PAX5: variants seen among roughly 807,000 people sequenced by gnomAD.
PAX5 encodes paired box protein Pax-5.
Under a neutral mutation model 43.7 loss-of-function variants are expected in PAX5, and 9 were observed. That is an observed-to-expected ratio of 0.21 (90% confidence interval 0.12 to 0.36). PAX5 has a LOEUF of 0.36. Ranked by LOEUF, PAX5 falls within the 10% of genes least tolerant of loss-of-function variation. The probability of loss-of-function intolerance (pLI) is 1.00; values close to 1 mark genes in which losing one functional copy is unlikely to be tolerated. For missense variants in PAX5, 383 were observed against 532.7 expected, an observed-to-expected ratio of 0.72 and a Z score of 2.77; for synonymous variants, 228 against 214.3, an observed-to-expected ratio of 1.06 and a Z score of -0.56.
chr9:37,015,683 G>C lies in PAX5; in HGVS notation c.213-489C>G, dbSNP rs1256778257. 6.6e-6 allele frequency among the ~76,000 whole-genome samples: 1 copy of C among 151,832 alleles called. No homozygotes were observed. The highest frequency in any genetic ancestry group is 1.5e-5 in the Non-Finnish European group (1 of 67,994). ...CAACCTCCGCCTCCTGGGTTCAAGT[G>C]ATTCTCCTGCCTCAGCCTCCCGAGT... On this transcript the variant is annotated intron_variant, in intron 2 of 9. Coordinates refer to ENST00000358127, the MANE Select transcript of PAX5 (RefSeq NM_016734.3). This position sits in a 1 kb window ranked among gnomAD's most constrained non-coding sequence, Gnocchi z 4.4.
At chr9:36,913,164 G>A (rs1219587218) in intron 7 of PAX5, among the ~76,000 whole-genome samples, 1 of 152,220 alleles carries the variant, frequency 6.6e-6, no homozygotes, top group Non-Finnish European at 1.5e-5. Context: ...GGACTTGGCA[G>A]CCATTCTGTC....
At chr9:36,970,155 G>A (rs1168384907) in intron 5 of PAX5, among the ~76,000 whole-genome samples, 1 of 152,154 alleles carries the variant, frequency 6.6e-6, no homozygotes, top group Non-Finnish European at 1.5e-5. Context: ...CTGATGCTAG[G>A]GTGAAAAGAG....
At chr9:36,886,930 A>G (rs907314216) in intron 7 of PAX5, among the ~76,000 whole-genome samples, 4 of 152,176 alleles carry the variant, frequency 2.6e-5, no homozygotes, top group African/African-American at 9.7e-5. Context: ...GTGAAACTCA[A>G]CACAAAGGCC....
intron 7 of PAX5, among the ~76,000 whole-genome samples, chr9:36,911,420 G>A (rs1424980250): frequency 1.3e-5 from 2 of 151,770 alleles, no homozygotes; most frequent in South Asian, 2.1e-4. Context: ...CTTGACCTCC[G>A]GAAGTGCTGG....
chr9:36,947,874 C>T (rs1033051906), intron 6 of PAX5, among the ~76,000 whole-genome samples: 13 of 151,968 alleles, frequency 8.6e-5, no homozygotes, highest in Non-Finnish European at 1.6e-4. Context: ...TTTCCACTTC[C>T]CTACCTGGCA....
At chr9:36,976,947 T>A (rs2132254696) in intron 5 of PAX5, among the ~76,000 whole-genome samples, 1 of 152,336 alleles carries the variant, frequency 6.6e-6, no homozygotes, top group Non-Finnish European at 1.5e-5. Flanking sequence ...TCAAGCCTCC[T>A]GGATCCGTTG....
chr9:36,977,730 C>T (rs1216830131), intron 5 of PAX5, among the ~76,000 whole-genome samples: 5 of 152,188 alleles, frequency 3.3e-5, no homozygotes, highest in African/African-American at 9.7e-5. Flanking sequence ...AGGGGTTTCA[C>T]CATGTTGGCC....
intron 1 of PAX5, among the ~76,000 whole-genome samples, chr9:37,021,395 A>C (rs1299666960): frequency 6.6e-6 from 1 of 152,170 alleles, no homozygotes; most frequent in African/African-American, 2.4e-5. Context: ...CCCTCCCTTT[A>C]AGAAGGTGAG....
At position 36,840,111 on chromosome 9, in the gene PAX5, T is replaced by A; in HGVS notation, c.*449A>T. ...TGATGCACCAAGAGTGCGAGATGCA[T>A]CATGGGTGGAGCAGTCTTCTCAGTC... On this transcript the variant is annotated 3_prime_UTR_variant, in exon 10 of 10. Transcript: ENST00000358127. 5.6e-6 allele frequency: 2 copies of A among 355,412 alleles called. No homozygotes were observed. The highest frequency in any genetic ancestry group is 7.4e-5 in the South Asian group (2 of 26,964). The allele number at this position is 355,412 out of a possible 1,614,324, so 22.0% of individuals were successfully genotyped here.
chr9:36,851,999 G>C (rs1823208912), intron 8 of PAX5, among the ~76,000 whole-genome samples: 1 of 152,228 alleles, frequency 6.6e-6, no homozygotes. Context: ...CTTCCAAGCT[G>C]TGTGGCTTTG....
chr9:36,919,643 C>A (rs1469346859), intron 7 of PAX5, among the ~76,000 whole-genome samples: 1 of 151,892 alleles, frequency 6.6e-6, no homozygotes, highest in African/African-American at 2.4e-5. Context: ...GGAGTTAAGA[C>A]CATCCTGGTC....
chr9:37,002,750 A>G lies in PAX5; in HGVS notation c.502T>C (p.Ser168Pro). 1 of 1,610,176 alleles carries G rather than the reference A, an allele frequency of 6.2e-7. No homozygotes were observed. The highest frequency in any genetic ancestry group is 8.5e-7 in the Non-Finnish European group (1 of 1,178,818). ...IVSTGSVTQV[S>P]SVSTDSAGSS... is the part of the protein sequence containing the mutation. ...CCGGCCGAATCCGTGCTCACCGAGG[A>G]CACCTGCGTCACGGAGCCAGTGGAC... Residue 168 changes from serine (S) to proline (P), a missense_variant, in exon 5 of 10, where the codon TCC (serine) becomes CCC (proline). Physicochemically the swap from Ser to Pro is moderately conservative, Grantham distance 74. Around this residue, in one of 5 missense-constraint regions of PAX5, gnomAD observed 291 missense variants for 342.5 expected, o/e 0.85. Coordinates refer to ENST00000358127, the MANE Select transcript of PAX5 (RefSeq NM_016734.3).
intron 1 of PAX5, among the ~76,000 whole-genome samples, chr9:37,025,876 G>A (rs113827284): frequency 0.016 from 2,499 of 152,268 alleles, 31 homozygotes; most frequent in Non-Finnish European, 0.026. Flanking sequence ...GAAGCCATGA[G>A]AAAAGGCGTC....
intron 7 of PAX5, among the ~76,000 whole-genome samples, chr9:36,892,954 A>G (rs1448531161): frequency 6.6e-6 from 1 of 152,234 alleles, no homozygotes; most frequent in Non-Finnish European, 1.5e-5. Context: ...AATGTTACTG[A>G]AAATATACAG....
rs1425135757 is a variant in PAX5, at chr9:36,882,170, C to G, written c.911-65G>C. The G allele has an allele frequency of 2.3e-6, 3 of 1,298,946 alleles. No individual in the cohort carries two copies. In the East Asian group the frequency reaches 7.2e-5, roughly 31 times the overall value. The allele number at this position is 1,298,946 out of a possible 1,614,324, so 80.5% of individuals were successfully genotyped here. On this transcript the variant is annotated intron_variant, in intron 7 of 9. Transcript: ENST00000358127. The surrounding 1 kb of genome is among the most constrained non-coding windows in gnomAD (Gnocchi z 4.4). ...CGCGGCCAGCCGCTCATGTCCACAG[C>G]TCCCTGGACGCTTCTGCACATTTGT...
chr9:36,923,479 T>C lies in PAX5; in HGVS notation c.786A>G (p.Thr262=). The change falls in exon 7 of 10, where the codon ACA becomes ACG. Residue 262 remains threonine, a synonymous_variant. Coordinates refer to ENST00000358127, the MANE Select transcript of PAX5 (RefSeq NM_016734.3). ...TTEPIKPEQT[T]EYSAMASLAG... is the part of the protein sequence containing the mutation. ...CCAGCGAGGCCATGGCTGAATACTCTGTGGTCTGAAAGAAGAAACAGAGAC... is the reference window on the plus strand; with the variant it reads ...CCAGCGAGGCCATGGCTGAATACTCCGTGGTCTGAAAGAAGAAACAGAGAC... The C allele has an allele frequency of 1.2e-6, 2 of 1,608,290 alleles. No individual in the cohort carries two copies. Among genetic ancestry groups the C allele is most frequent in the Non-Finnish European group, 1.7e-6 (2 of 1,178,614 alleles).
In PAX5 at chr9:36,839,194, C is replaced by T. The variant is rs1821849753; in HGVS notation, c.*1366G>A. The T allele has an allele frequency of 4.3e-6, 1 of 233,682 alleles. No homozygotes were observed. The highest frequency in any genetic ancestry group is 6.0e-5 in the East Asian group (1 of 16,598). 14.5% of individuals were successfully genotyped at this position (233,682 alleles called of 1,614,324 possible). A position where few individuals can be genotyped will look rare whatever the true frequency, so the allele number is the denominator to read the frequency against. On this transcript the variant is annotated 3_prime_UTR_variant, in exon 10 of 10. Transcript: ENST00000358127. ...GCTCTCCTGCCCCTCCCTCAGGAGG[C>T]CTTCCTCTGTCCCCCAGATCTTCCC... is the stretch of plus-strand genomic sequence containing the variant.
intron 1 of PAX5, among the ~76,000 whole-genome samples, chr9:37,023,571 G>T (rs926828099): frequency 6.6e-6 from 1 of 152,182 alleles, no homozygotes; most frequent in African/African-American, 2.4e-5. Flanking sequence ...AGACTGAATT[G>T]CAGAGGCCCC....
chr9:37,002,151 A>G (rs1019930895), intron 5 of PAX5, among the ~76,000 whole-genome samples: 1 of 151,934 alleles, frequency 6.6e-6, no homozygotes, highest in Non-Finnish European at 1.5e-5. Flanking sequence ...CACCATCATC[A>G]GGGCTGAAGG....
Sources: allele counts gnomAD v4.1 joint callset (sites outside exome capture counted in the v4.1 genomes callset), GRCh38; gene constraint gnomAD v4.1.1; regional missense constraint gnomAD v4.1.1; non-coding constraint Gnocchi (gnomAD v3.1); transcripts MANE v1.5; gene names NCBI Gene and HGNC (gene_info 2026-07-23, HGNC 2026-07-21).